The following ENKUR variants were observed in gnomAD, a reference collection of about 807,000 sequenced individuals.
ENKUR encodes enkurin, TRPC channel interacting protein.
A neutral mutation model predicts 27.6 loss-of-function variants in ENKUR; 19 were observed. The ratio of observed to expected loss-of-function variants is 0.69; its 90% CI spans 0.48 to 1.01. The LOEUF (loss-of-function observed/expected upper bound fraction) is 1.01, where lower values mean the gene tolerates loss of function less well. ENKUR is among the 50% of genes least tolerant of loss of function. The pLI, the probability that ENKUR is intolerant of heterozygous loss-of-function variation, is 0.00. For missense variants in ENKUR, 312 were observed against 310.5 expected (o/e 1.00, Z -0.04); for synonymous variants, 117 against 96.9 (o/e 1.21, Z -1.22).
intron 1 of ENKUR, among the ~76,000 whole-genome samples, chr10:25,009,706 G>A (rs192531361): frequency 6.6e-6 from 1 of 152,282 alleles, no homozygotes; most frequent in Non-Finnish European, 1.5e-5. Context: ...CCAGTGGGAG[G>A]TAAGTGAATC....
chr10:25,042,892 C>A (rs1295272734), intron 2 of ENKUR, among the ~76,000 whole-genome samples: 2 of 151,880 alleles, frequency 1.3e-5, no homozygotes, highest in Non-Finnish European at 1.5e-5. Context: ...AATGTAAATG[C>A]AGTGCATGAT....
chr10:25,061,890 C>A (rs904718347), intron 1 of ENKUR, among the ~76,000 whole-genome samples: 7 of 152,176 alleles, frequency 4.6e-5, no homozygotes, highest in Admixed American at 1.3e-4. Context: ...CTGCTATGTT[C>A]TTTATATGTA....
At chr10:24,994,593 T>C (rs1447523660) in intron 3 of ENKUR, among the ~76,000 whole-genome samples, 1 of 152,112 alleles carries the variant, frequency 6.6e-6, no homozygotes, top group Admixed American at 6.5e-5. Context: ...CCTTCTAAAG[T>C]GCTGGGATTA....
rs1265515912 is a variant in ENKUR, at chr10:24,983,346, G to GT, written c.*1023dup. The GT allele has an allele frequency of 1.3e-5, 2 of 151,916 alleles. No homozygotes were observed. The highest frequency in any genetic ancestry group is 4.8e-5 in the African/African-American group (2 of 41,420). The allele number at this position is 151,916 out of a possible 1,614,324, so 9.4% of individuals were successfully genotyped here. A position where few individuals can be genotyped will look rare whatever the true frequency, so the allele number is the denominator to read the frequency against. On this transcript the variant is annotated 3_prime_UTR_variant, in exon 6 of 6. Coordinates refer to ENST00000331161, the MANE Select transcript of ENKUR (RefSeq NM_145010.4). ...GGATCAGATGCATCCTACCCACTCT[G>GT]TAAGTCTGGGTCCCTGAGTGACTGC...
chr10:25,032,676 A>G (rs981401772), intron 2 of ENKUR, among the ~76,000 whole-genome samples: 7 of 152,188 alleles, frequency 4.6e-5, no homozygotes, highest in African/African-American at 1.7e-4. Context: ...TGAAGTTTTC[A>G]TGCCAGAGAC....
chr10:24,991,577 C>T (rs1267795256), intron 3 of ENKUR, among the ~76,000 whole-genome samples: 5 of 152,072 alleles, frequency 3.3e-5, no homozygotes, highest in African/African-American at 7.2e-5. Flanking sequence ...AGAGTTTGGC[C>T]GGGGTGGTGG....
At chr10:25,044,704 G>A (rs1249205403) in intron 2 of ENKUR, among the ~76,000 whole-genome samples, 2 of 152,218 alleles carry the variant, frequency 1.3e-5, no homozygotes, top group African/African-American at 4.8e-5. Flanking sequence ...GTTGGGTCAG[G>A]TCTTAAACTC....
chr10:25,019,839 A>G (rs1339665609), upstream of ENKUR, among the ~76,000 whole-genome samples: 1 of 152,238 alleles, frequency 6.6e-6, no homozygotes, highest in Non-Finnish European at 1.5e-5. Flanking sequence ...AACCATTTTT[A>G]TGATCATTCA....
Position 24,984,071 on chromosome 10 carries a change from G to T in ENKUR, c.*299C>A. On this transcript the variant is annotated 3_prime_UTR_variant, in exon 6 of 6. Transcript: ENST00000331161. The stretch of plus-strand genomic sequence containing the variant: ...TCGAGGTTGGTATGCTAGAAAGGAG[G>T]CTATTCTCCTTAATCATCCTCAATG... 1 of 329,498 alleles carries T rather than the reference G, an allele frequency of 3.0e-6. No homozygotes were observed. Among genetic ancestry groups the T allele is most frequent in the Non-Finnish European group, 5.5e-6 (1 of 183,012 alleles). 20.4% of individuals were successfully genotyped at this position (329,498 alleles called of 1,614,324 possible). A position where few individuals can be genotyped will look rare whatever the true frequency, so the allele number is the denominator to read the frequency against.
chr10:25,014,770 T>C (rs1042654056), intron 1 of ENKUR, among the ~76,000 whole-genome samples: 1 of 152,202 alleles, frequency 6.6e-6, no homozygotes, highest in Non-Finnish European at 1.5e-5. Flanking sequence ...AGTCTCTAGA[T>C]GTTGATATGC....
intron 1 of ENKUR, among the ~76,000 whole-genome samples, chr10:25,014,668 C>A (rs1177455710): frequency 6.6e-6 from 1 of 152,130 alleles, no homozygotes; most frequent in Non-Finnish European, 1.5e-5. Flanking sequence ...ATGTAATATG[C>A]AGGAATTTGA....
At chr10:25,022,870 T>C (rs920265933) in intron 2 of ENKUR, among the ~76,000 whole-genome samples, 2 of 152,228 alleles carry the variant, frequency 1.3e-5, no homozygotes, top group Admixed American at 6.5e-5. Context: ...ATATATACTT[T>C]TAAAAGCATC....
At chr10:25,018,984 G>A (rs1850666799), upstream of ENKUR, among the ~76,000 whole-genome samples, 1 of 152,104 alleles carries the variant, frequency 6.6e-6, no homozygotes, top group Non-Finnish European at 1.5e-5. Flanking sequence ...GGATTGTGTG[G>A]TCCTTCCACC....
At chr10:25,008,891 T>C (rs1850375977) in intron 1 of ENKUR, among the ~76,000 whole-genome samples, 2 of 152,078 alleles carry the variant, frequency 1.3e-5, no homozygotes, top group South Asian at 4.2e-4. Context: ...ATTAAGAAAA[T>C]GTGGCACATA....
At position 25,061,142 on chromosome 10, in the gene ENKUR, T is replaced by C. The variant is rs756818652; in HGVS notation, c.7A>G (p.Thr3Ala). The change falls in exon 2 of 6, where the codon ACA becomes GCA. Residue 3 changes from threonine (T) to alanine (A), a missense_variant. Transcript: ENST00000615958. ...GAGCCACCTCCAGTCACCCGCTCTG[T>C]CTTCATGCTCCGTGGTGAACAATCT... is the stretch of plus-strand genomic sequence containing the variant. 100 of 1,536,102 alleles carry C rather than the reference T, an allele frequency of 6.5e-5. No individual in the cohort carries two copies. In the African/African-American group the frequency reaches 1.3e-3, roughly 20 times the overall value.
chr10:24,985,632 A>G (rs1369643595), intron 4 of ENKUR, among the ~76,000 whole-genome samples: 3 of 152,262 alleles, frequency 2.0e-5, no homozygotes, highest in African/African-American at 7.2e-5. Context: ...TAGGAGCAAT[A>G]AAAGTTATTT....
At chr10:25,008,954 T>A (rs976964895) in intron 1 of ENKUR, among the ~76,000 whole-genome samples, 15 of 152,094 alleles carry the variant, frequency 9.9e-5, no homozygotes, top group Non-Finnish European at 1.9e-4. Flanking sequence ...ATGTCCTTTG[T>A]AGGGACATGG....
chr10:24,986,294 G>A (rs917023623), intron 4 of ENKUR, among the ~76,000 whole-genome samples: 1 of 152,280 alleles, frequency 6.6e-6, no homozygotes, highest in African/African-American at 2.4e-5. Context: ...ATGATGACAG[G>A]TCAGGGCACA....
intron 1 of ENKUR, among the ~76,000 whole-genome samples, chr10:25,002,132 CA>C (rs1850200496): frequency 6.6e-6 from 1 of 152,130 alleles, no homozygotes; most frequent in Admixed American, 6.5e-5. Flanking sequence ...ACTACTGAGG[CA>C]ATATACTTCT....
Sources: gnomAD v4.1 joint callset for allele counts (sites outside exome capture counted in the v4.1 genomes callset) on GRCh38, gnomAD v4.1.1 for gene constraint, MANE v1.5 for transcripts, NCBI Gene and HGNC (gene_info 2026-07-23, HGNC 2026-07-21) for gene names.